The following RAB31 variants were observed in gnomAD, a reference collection of about 807,000 sequenced individuals.
RAB31 encodes the protein ras-related protein Rab-31.
In RAB31, 21 loss-of-function variants were observed where a neutral mutation model predicts 25.6. The observed-to-expected ratio is 0.82, with a 90% confidence interval of 0.58 to 1.18. RAB31 has a LOEUF of 1.18. RAB31 is among the 50% of genes most tolerant of loss of function. The pLI is 0.00. For missense variants in RAB31, 196 were observed against 250.1 expected, an observed-to-expected ratio of 0.78 and a Z score of 1.46; for synonymous variants, 87 against 84.0, an observed-to-expected ratio of 1.04 and a Z score of -0.20.
In RAB31 at chr18:9,720,913, G is replaced by C. The variant is rs9960287; in HGVS notation, c.39+12469G>C. Among the ~76,000 whole-genome samples, 869 of 152,164 alleles carry C rather than the reference G, an allele frequency of 5.7e-3. 11 individuals are homozygous for C. The highest frequency in any genetic ancestry group is 0.02 in the African/African-American group (812 of 41,500). On this transcript the variant is annotated intron_variant, in intron 1 of 6. Transcript: ENST00000578921. ...GTTTATAGCTTCGGTGAAATGACAG[G>C]TCTGGCATCAACAGGATGCAGATTT...
chr18:9,735,522 T>A (rs1217241463), intron 1 of RAB31: 1 of 198,754 alleles, frequency 5.0e-6, no homozygotes, highest in African/African-American at 2.3e-5. Context: ...GCCTCCACGG[T>A]GCTTCCGCAC....
At chr18:9,809,810 G>A (rs1028494754) in intron 3 of RAB31, among the ~76,000 whole-genome samples, 2 of 152,190 alleles carry the variant, frequency 1.3e-5, no homozygotes, top group African/African-American at 4.8e-5. Flanking sequence ...CTTAAGAGGT[G>A]GAATTGTCAA....
chr18:9,709,452 G>A (rs1005273435), intron 1 of RAB31, among the ~76,000 whole-genome samples: 10 of 152,204 alleles, frequency 6.6e-5, no homozygotes, highest in African/African-American at 2.2e-4. Context: ...GGCAGCGAAA[G>A]GGTCGCATTC....
chr18:9,849,899 T>TA (rs557089795), intron 6 of RAB31, among the ~76,000 whole-genome samples: 40 of 152,268 alleles, frequency 2.6e-4, no homozygotes, highest in African/African-American at 9.4e-4. Context: ...GTAAGGGTGA[T>TA]ACTCTGAAAC....
intron 5 of RAB31, among the ~76,000 whole-genome samples, chr18:9,828,138 A>C (rs1049550343): frequency 1.3e-5 from 2 of 152,110 alleles, no homozygotes; most frequent in Non-Finnish European, 2.9e-5. Context: ...CGAGCTTGGC[A>C]CGTGTTGGCA....
chr18:9,853,963 C>CTT (rs11376519), intron 6 of RAB31, among the ~76,000 whole-genome samples: 146 of 130,814 alleles, frequency 1.1e-3, no homozygotes, highest in East Asian at 2.8e-3. Context: ...CTTTTCTTTT[C>CTT]TTTTTTTTTT....
chr18:9,851,286 C>T lies in RAB31; in HGVS notation c.490+5595C>T, dbSNP rs569437820. Among the ~76,000 whole-genome samples, 24 of 152,246 alleles carry T rather than the reference C, an allele frequency of 1.6e-4. No individual in the cohort carries two copies. The South Asian group carries it at 4.6e-3, about 29-fold the overall frequency. On this transcript the variant is annotated intron_variant, in intron 6 of 6. Coordinates refer to ENST00000578921, the MANE Select transcript of RAB31 (RefSeq NM_006868.4). ...TAGTGAATGTAAAATAATGTCATTTCGGCATATGGGCAAGTTGGGTCTCAA... is the reference window on the plus strand; with the variant it reads ...TAGTGAATGTAAAATAATGTCATTTTGGCATATGGGCAAGTTGGGTCTCAA...
intron 2 of RAB31, among the ~76,000 whole-genome samples, chr18:9,781,265 T>C (rs1347110236): frequency 6.6e-6 from 1 of 152,232 alleles, no homozygotes; most frequent in East Asian, 1.9e-4. Context: ...GCTTAATGTT[T>C]CTTTGTTAAA....
At chr18:9,832,663 G>A (rs1214588629) in intron 5 of RAB31, among the ~76,000 whole-genome samples, 1 of 152,236 alleles carries the variant, frequency 6.6e-6, no homozygotes. Flanking sequence ...GGGACCACGT[G>A]GAGGACAAGG....
At chr18:9,842,291 C>G (rs1184641483) in intron 5 of RAB31, among the ~76,000 whole-genome samples, 1 of 152,158 alleles carries the variant, frequency 6.6e-6, no homozygotes, top group Non-Finnish European at 1.5e-5. Context: ...AGATTCAACC[C>G]TCTAACCATG....
At chr18:9,780,880 G>A (rs1260797572) in intron 2 of RAB31, among the ~76,000 whole-genome samples, 2 of 152,124 alleles carry the variant, frequency 1.3e-5, no homozygotes, top group East Asian at 1.9e-4. Context: ...GCAGTGAGAC[G>A]AGATTGTGCC....
chr18:9,728,392 C>T (rs1037511025), intron 1 of RAB31, among the ~76,000 whole-genome samples: 3 of 152,158 alleles, frequency 2.0e-5, no homozygotes, highest in African/African-American at 2.4e-5. Flanking sequence ...AGAAATAGAA[C>T]GTTGGGTCAG....
At chr18:9,804,144 G>A (rs1201787709) in intron 3 of RAB31, among the ~76,000 whole-genome samples, 1 of 152,176 alleles carries the variant, frequency 6.6e-6, no homozygotes, top group Non-Finnish European at 1.5e-5. Flanking sequence ...GCTTACACAC[G>A]GGCTTCTGCC....
At chr18:9,724,140 G>A (rs11081495) in intron 1 of RAB31, among the ~76,000 whole-genome samples, 115,635 of 149,112 alleles carry the variant, frequency 0.78, 45,074 homozygotes, top group East Asian at 0.87. Context: ...GCGTAGTGGC[G>A]GGCGCCTGTA....
intron 1 of RAB31, among the ~76,000 whole-genome samples, chr18:9,763,433 G>A (rs1042012888): frequency 1.3e-5 from 2 of 151,830 alleles, no homozygotes; most frequent in Admixed American, 6.6e-5. Context: ...TCAAGGAATC[G>A]AAAACTAGGA....
At chr18:9,827,431 A>G (rs2068655460) in intron 5 of RAB31, among the ~76,000 whole-genome samples, 1 of 152,118 alleles carries the variant, frequency 6.6e-6, no homozygotes, top group East Asian at 1.9e-4. Flanking sequence ...GTGGTGGGTA[A>G]TGACCTTGAG....
chr18:9,803,163 A>G (rs1334252907), intron 3 of RAB31, among the ~76,000 whole-genome samples: 9 of 152,026 alleles, frequency 5.9e-5, no homozygotes, highest in Non-Finnish European at 1.0e-4. Context: ...GGGAGAGGAT[A>G]GAGTACATGC....
intron 6 of RAB31, among the ~76,000 whole-genome samples, chr18:9,855,008 A>G (rs2068808445): frequency 6.6e-6 from 1 of 152,240 alleles, no homozygotes; most frequent in Non-Finnish European, 1.5e-5. Context: ...AATTACATAC[A>G]GTGGAATGGT....
At chr18:9,781,153 A>AT (rs141918566) in intron 2 of RAB31, among the ~76,000 whole-genome samples, 75,586 of 150,796 alleles carry the variant, frequency 0.5, 19,439 homozygotes, top group East Asian at 0.68. Flanking sequence ...AGCTTTAGGT[A>AT]TTTTTTTTTG....
Sources: gnomAD v4.1 joint callset for allele counts (sites outside exome capture counted in the v4.1 genomes callset) on GRCh38, gnomAD v4.1.1 for gene constraint, MANE v1.5 for transcripts, NCBI Gene and HGNC (gene_info 2026-07-23, HGNC 2026-07-21) for gene names.